The following FNDC3B variants were observed in gnomAD, a reference collection of about 807,000 sequenced individuals.
FNDC3B encodes fibronectin type III domain-containing protein 3B.
A neutral mutation model predicts 151.5 loss-of-function variants in FNDC3B; 12 were observed. That is an observed-to-expected ratio of 0.08 (90% CI 0.05 to 0.13). The LOEUF is 0.13. Ranked by LOEUF, FNDC3B falls within the 10% of genes least tolerant of loss-of-function variation. The probability of loss-of-function intolerance (pLI) is 1.00; values close to 1 mark genes in which losing one functional copy is unlikely to be tolerated. For missense variants in FNDC3B, 1,214 were observed against 1,505.3 expected (o/e 0.81, Z 3.20); for synonymous variants, 528 against 549.0 (o/e 0.96, Z 0.54).
intron 9 of FNDC3B, among the ~76,000 whole-genome samples, chr3:172,305,702 A>G (rs532618261): frequency 6.6e-6 from 1 of 152,204 alleles, no homozygotes; most frequent in South Asian, 2.1e-4. Flanking sequence ...GCCACCACAC[A>G]TACACATGTG....
In FNDC3B at chr3:172,177,250, G is replaced by A. The variant is rs150843707; in HGVS notation, c.187+43704G>A. 9.5e-4 allele frequency among the ~76,000 whole-genome samples: 145 copies of A among 152,272 alleles called. 1 individual carries two copies. Among genetic ancestry groups the A allele is most frequent in the Middle Eastern group, 3.4e-3 (1 of 294 alleles). Reference sequence around the variant, plus strand: ...GAATCTTTGTTACTGTTAAGTATTCGGATTCCTGGGCCTAATGCCAGGTCT... The same window carrying A: ...GAATCTTTGTTACTGTTAAGTATTCAGATTCCTGGGCCTAATGCCAGGTCT... On this transcript the variant is annotated intron_variant, in intron 3 of 25. Coordinates refer to ENST00000415807, the MANE Select transcript of FNDC3B (RefSeq NM_022763.4).
chr3:172,056,992 A>C (rs1716948678), intron 1 of FNDC3B, among the ~76,000 whole-genome samples: 1 of 152,236 alleles, frequency 6.6e-6, no homozygotes, highest in South Asian at 2.1e-4. Context: ...AATGCCAAGC[A>C]GTACTTAGTT....
rs373353170 is a variant in FNDC3B at position 172,186,533 on chromosome 3, A to G, written c.188-40338A>G. Among the ~76,000 whole-genome samples, 14 of 152,322 alleles carry G rather than the reference A, an allele frequency of 9.2e-5. 1 individual carries two copies. The highest frequency in any genetic ancestry group is 3.1e-4 in the African/African-American group (13 of 41,562). On this transcript the variant is annotated intron_variant, in intron 3 of 25. Coordinates refer to ENST00000415807, the MANE Select transcript of FNDC3B (RefSeq NM_022763.4). ...ACATAAACCTGAGCTGAGGGAGAAA[A>G]TACACATGCCATTTCCCCAAATTCC...
chr3:172,265,936 A>G (rs1421334341), intron 6 of FNDC3B, among the ~76,000 whole-genome samples: 1 of 152,242 alleles, frequency 6.6e-6, no homozygotes, highest in African/African-American at 2.4e-5. Flanking sequence ...AGATGGGAAG[A>G]ACAATAAGTT....
At chr3:172,198,862 G>A (rs143972659) in intron 3 of FNDC3B, among the ~76,000 whole-genome samples, 3 of 152,310 alleles carry the variant, frequency 2.0e-5, no homozygotes, top group African/African-American at 7.2e-5. Context: ...GTCTCATTCT[G>A]TCACCCAGGC....
At chr3:172,126,217 T>G (rs185451719) in intron 2 of FNDC3B, among the ~76,000 whole-genome samples, 6 of 152,124 alleles carry the variant, frequency 3.9e-5, no homozygotes, top group Admixed American at 2.0e-4. Flanking sequence ...GAATTCAACG[T>G]GCATAGAATC....
At position 172,240,361 on chromosome 3, in the gene FNDC3B, A is replaced by G. The variant is rs769030075; in HGVS notation, c.265-7172A>G. 8.5e-5 allele frequency among the ~76,000 whole-genome samples: 13 copies of G among 152,272 alleles called. No individual in the cohort carries two copies. In the South Asian group the frequency reaches 1.7e-3, roughly 19 times the overall value. On this transcript the variant is annotated intron_variant, in intron 4 of 25. Coordinates refer to ENST00000415807, the MANE Select transcript of FNDC3B (RefSeq NM_022763.4). ...TTAATAGTAGTAATTGATGAGTAAG[A>G]TTTTGTTACATTATGTATCAGGTAC...
intron 3 of FNDC3B, among the ~76,000 whole-genome samples, chr3:172,201,099 T>A (rs1576792436): frequency 6.6e-6 from 1 of 152,212 alleles, no homozygotes; most frequent in South Asian, 2.1e-4. Context: ...ATGCTTACTA[T>A]CTTATTCCTG....
chr3:172,379,462 A>G (rs1388419710), intron 24 of FNDC3B, among the ~76,000 whole-genome samples: 1 of 152,262 alleles, frequency 6.6e-6, no homozygotes, highest in Non-Finnish European at 1.5e-5. Flanking sequence ...GACCTGGGTC[A>G]GGATTTGGCT....
intron 3 of FNDC3B, among the ~76,000 whole-genome samples, chr3:172,147,110 A>G (rs545477626): frequency 6.6e-6 from 1 of 152,244 alleles, no homozygotes; most frequent in East Asian, 1.9e-4. Context: ...GTTTGAGACC[A>G]GCCAGGCCAA....
chr3:172,207,649 A>G (rs113427939), intron 3 of FNDC3B, among the ~76,000 whole-genome samples: 1 of 152,230 alleles, frequency 6.6e-6, no homozygotes, highest in Non-Finnish European at 1.5e-5. Flanking sequence ...GCCAAAAGGC[A>G]TCAAGGAGGT....
chr3:172,218,761 T>G (rs1560023737), intron 3 of FNDC3B, among the ~76,000 whole-genome samples: 1 of 152,196 alleles, frequency 6.6e-6, no homozygotes, highest in Non-Finnish European at 1.5e-5. Context: ...GGAGTCCAGG[T>G]GCAAACTCAA....
chr3:172,308,258 C>G (rs762107608), intron 10 of FNDC3B, among the ~76,000 whole-genome samples: 2 of 152,096 alleles, frequency 1.3e-5, no homozygotes, highest in Non-Finnish European at 2.9e-5. Flanking sequence ...TTAGCTGTTA[C>G]CAAAGAGAGA....
intron 1 of FNDC3B, among the ~76,000 whole-genome samples, chr3:172,074,343 C>T (rs141272496): frequency 6.6e-6 from 1 of 152,346 alleles, no homozygotes; most frequent in African/African-American, 2.4e-5. Context: ...TGCTCACAAA[C>T]ATCAAATCAG....
intron 6 of FNDC3B, among the ~76,000 whole-genome samples, chr3:172,269,366 C>T (rs765582034): frequency 2.0e-5 from 3 of 152,152 alleles, no homozygotes; most frequent in Non-Finnish European, 2.9e-5. Flanking sequence ...TCAAGTGATC[C>T]TCCTACCTCA....
intron 3 of FNDC3B, among the ~76,000 whole-genome samples, chr3:172,182,719 C>T (rs1014708968): frequency 3.9e-5 from 6 of 152,102 alleles, no homozygotes; most frequent in African/African-American, 1.4e-4. Context: ...TTTTTCGTGT[C>T]GACAGAAGTA....
chr3:172,100,582 G>A lies in FNDC3B; in HGVS notation c.-28-11870G>A, dbSNP rs1293664814. 5.9e-5 allele frequency among the ~76,000 whole-genome samples: 9 copies of A among 152,234 alleles called. No individual in the cohort carries two copies. In the South Asian group the frequency reaches 1.0e-3, roughly 18 times the overall value. ...TTATATTAAAATTTTATCATAATGAGCTAATCTGAAATAGTAAATAGATAT... is the reference window on the plus strand; with the variant it reads ...TTATATTAAAATTTTATCATAATGAACTAATCTGAAATAGTAAATAGATAT... On this transcript the variant is annotated intron_variant, in intron 1 of 25. Transcript: ENST00000415807.
chr3:172,287,454 G>A (rs931947611), intron 7 of FNDC3B, among the ~76,000 whole-genome samples: 8 of 152,316 alleles, frequency 5.3e-5, no homozygotes, highest in Admixed American at 2.0e-4. Context: ...TGTAGGATTG[G>A]ATGATAGCTT....
chr3:172,140,374 A>G (rs1721564775), intron 3 of FNDC3B, among the ~76,000 whole-genome samples: 1 of 152,210 alleles, frequency 6.6e-6, no homozygotes, highest in African/African-American at 2.4e-5. Context: ...TTTACATGAA[A>G]TTTGGAGAAA....
Sources: allele counts gnomAD v4.1 joint callset (sites outside exome capture counted in the v4.1 genomes callset), GRCh38; gene constraint gnomAD v4.1.1; transcripts MANE v1.5; gene names NCBI Gene and HGNC (gene_info 2026-07-23, HGNC 2026-07-21).